Variants in POU6F2 observed in about 807,000 individuals in gnomAD.
The protein encoded by POU6F2 is POU domain, class 6, transcription factor 2.
A neutral mutation model predicts 71.3 loss-of-function variants in POU6F2; 31 were observed. The ratio of observed to expected loss-of-function variants is 0.43; its 90% CI spans 0.33 to 0.59. POU6F2 has a LOEUF of 0.59. Among genes scored for constraint, POU6F2 ranks in the 20% least tolerant of loss-of-function variants. POU6F2 has a pLI of 0.04. For missense variants in POU6F2, 783 were observed against 856.8 expected (o/e 0.91, Z 1.07); for synonymous variants, 347 against 355.7 (o/e 0.98, Z 0.27).
At position 39,331,268 on chromosome 7, in the gene POU6F2, G is replaced by T. The variant is rs114423204; in HGVS notation, c.599-8374G>T. 2.0e-3 allele frequency among the ~76,000 whole-genome samples: 309 copies of T among 152,186 alleles called. 2 individuals carry two copies. Among genetic ancestry groups the T allele is most frequent in the African/African-American group, 7.0e-3 (290 of 41,526 alleles). ...GTACAGATGTCTCTTTGACTATATT[G>T]ATTTGTCTTTGTATATACATCTAAT... On this transcript the variant is annotated intron_variant, in intron 4 of 9. Transcript: ENST00000518318.
chr7:39,312,777 A>C (rs941368400), intron 4 of POU6F2, among the ~76,000 whole-genome samples: 1 of 152,174 alleles, frequency 6.6e-6, no homozygotes, highest in South Asian at 2.1e-4. Flanking sequence ...GACAACTAAG[A>C]TTGCTGAGTG....
intron 4 of POU6F2, among the ~76,000 whole-genome samples, chr7:39,238,288 G>A (rs903343867): frequency 2.6e-5 from 4 of 152,066 alleles, no homozygotes; most frequent in Non-Finnish European, 5.9e-5. Flanking sequence ...AAGGACAAAC[G>A]CCGCCTGACA....
Position 39,464,526 on chromosome 7 carries a change from A to G in POU6F2, c.2003A>G (p.Glu668Gly), listed in dbSNP as rs781593396. 3.1e-6 allele frequency: 5 copies of G among 1,613,492 alleles called. No individual in the cohort carries two copies. The highest frequency in any genetic ancestry group is 1.3e-5 in the African/African-American group (1 of 74,946). The change falls in exon 10 of 10, where the codon GAA becomes GGA. Residue 668 changes from glutamate to glycine, a missense_variant. This residue lies in a region of POU6F2 where 211 missense variants were observed against 283.9 expected (regional missense o/e 0.74). Transcript: ENST00000518318. This position sits in a 1 kb window ranked among gnomAD's most constrained non-coding sequence, Gnocchi z 4.1. The part of the protein sequence containing the change: ...NTHPSGQEMT[E>G]IAEKLNYDRE... ...CACCCTTCTGGGCAGGAAATGACCG[A>G]AATTGCTGAGAAGCTGAACTATGAC...
rs536814071 is a variant in POU6F2 at position 39,063,919 on chromosome 7, G to A, written c.106-21941G>A. ...TATAACAAATTTAGTTAGTGAAGACGCCTTTAATGTGTGAAGGCAACAGAA... is the reference window on the plus strand; with the variant it reads ...TATAACAAATTTAGTTAGTGAAGACACCTTTAATGTGTGAAGGCAACAGAA... On this transcript the variant is annotated intron_variant, in intron 1 of 9. Transcript: ENST00000518318. Among the ~76,000 whole-genome samples, 96 of 152,122 alleles carry A rather than the reference G, an allele frequency of 6.3e-4. 1 individual carries two copies. Among genetic ancestry groups the A allele is most frequent in the Middle Eastern group, 6.8e-3 (2 of 294 alleles).
rs1020190266 is a variant in POU6F2 at position 39,046,003 on chromosome 7, GTTTATGGTTC to G, written c.106-39856_106-39847del. Among the ~76,000 whole-genome samples, 4 of 151,896 alleles carry G rather than the reference GTTTATGGTTC, an allele frequency of 2.6e-5. No homozygotes were observed. The East Asian group carries it at 5.8e-4, about 22-fold the overall frequency. On this transcript the variant is annotated intron_variant, in intron 1 of 9. Coordinates refer to ENST00000518318, the MANE Select transcript of POU6F2 (RefSeq NM_001370959.1). ...TGGGATTTGTGGGTCATATTGATAT[GTTTATGGTTC>G]ACTTTTTAGAAAACTGTTAAACAGT...
At chr7:39,315,673 T>C (rs1173817334) in intron 4 of POU6F2, among the ~76,000 whole-genome samples, 4 of 152,136 alleles carry the variant, frequency 2.6e-5, no homozygotes, top group African/African-American at 9.7e-5. Flanking sequence ...CTCCCACTTA[T>C]CCCATGGATC....
intron 1 of POU6F2, among the ~76,000 whole-genome samples, chr7:38,985,338 C>T (rs944286917): frequency 2.2e-4 from 34 of 152,016 alleles, no homozygotes; most frequent in African/African-American, 8.2e-4. Flanking sequence ...AAAACAAGAA[C>T]ATCAAACTCA....
intron 1 of POU6F2, among the ~76,000 whole-genome samples, chr7:39,005,445 G>C (rs1294389329): frequency 6.9e-6 from 1 of 144,366 alleles, no homozygotes; most frequent in African/African-American, 2.5e-5. Context: ...TGTCTGGATG[G>C]ATATTTACTA....
intron 1 of POU6F2, among the ~76,000 whole-genome samples, chr7:39,025,904 A>G (rs970372684): frequency 3.4e-5 from 5 of 149,158 alleles, no homozygotes; most frequent in Non-Finnish European, 7.4e-5. Context: ...AATTTACAAG[A>G]AAAAAACAAA....
intron 9 of POU6F2, among the ~76,000 whole-genome samples, chr7:39,463,783 A>C (rs1007179498): frequency 6.6e-6 from 1 of 152,242 alleles, no homozygotes; most frequent in African/African-American, 2.4e-5. Flanking sequence ...GAATGTGACA[A>C]CTGTCATCTT....
intron 1 of POU6F2, among the ~76,000 whole-genome samples, chr7:38,987,082 G>T (rs1157670921): frequency 6.6e-6 from 1 of 152,042 alleles, no homozygotes; most frequent in Non-Finnish European, 1.5e-5. Context: ...AAAGATTTCA[G>T]AATTTTCCAA....
intron 2 of POU6F2, chr7:39,120,771 AAC>A (rs1792025108): frequency 6.6e-6 from 1 of 152,214 alleles, no homozygotes; most frequent in Admixed American, 6.5e-5. Flanking sequence ...TAATTGGAAA[AAC>A]ACTGCACAAT....
At chr7:39,333,898 A>T (rs1785711092) in intron 4 of POU6F2, among the ~76,000 whole-genome samples, 1 of 152,152 alleles carries the variant, frequency 6.6e-6, no homozygotes, top group South Asian at 2.1e-4. Context: ...CAATCCCCTG[A>T]GGTAGGTCTT....
chr7:39,106,403 T>C (rs1301488252), intron 2 of POU6F2, among the ~76,000 whole-genome samples: 1 of 152,230 alleles, frequency 6.6e-6, no homozygotes, highest in African/African-American at 2.4e-5. Context: ...TACAACCTAA[T>C]GCTATAACTG....
At chr7:38,982,679 A>G (rs1402723353) in intron 1 of POU6F2, among the ~76,000 whole-genome samples, 1 of 152,110 alleles carries the variant, frequency 6.6e-6, no homozygotes, top group Non-Finnish European at 1.5e-5. Context: ...TGTTAATACT[A>G]AACAACAATT....
chr7:39,185,835 A>C (rs1562737985), intron 2 of POU6F2, among the ~76,000 whole-genome samples: 126 of 125,598 alleles, frequency 1.0e-3, no homozygotes, highest in African/African-American at 4.0e-3. Flanking sequence ...ATGTATATGT[A>C]TATGTATATG....
chr7:39,203,660 G>A (rs931612720), intron 2 of POU6F2, among the ~76,000 whole-genome samples: 1 of 152,178 alleles, frequency 6.6e-6, no homozygotes, highest in African/African-American at 2.4e-5. Context: ...AGCTATTGCG[G>A]GATTCCTACT....
intron 4 of POU6F2, among the ~76,000 whole-genome samples, chr7:39,210,195 C>T (rs965558924): frequency 3.9e-5 from 6 of 152,158 alleles, no homozygotes; most frequent in Admixed American, 3.3e-4. Context: ...TTGTGAGGGG[C>T]AGGTTTCATA....
intron 2 of POU6F2, among the ~76,000 whole-genome samples, chr7:39,143,462 CT>C (rs373350360): frequency 6.6e-6 from 1 of 152,294 alleles, no homozygotes; most frequent in African/African-American, 2.4e-5. Flanking sequence ...AAGCTCTCTG[CT>C]CATTAGAAAC....
Sources: gnomAD v4.1 joint callset for allele counts (sites outside exome capture counted in the v4.1 genomes callset) on GRCh38, gnomAD v4.1.1 for gene constraint, gnomAD v4.1.1 regional missense constraint, Gnocchi (gnomAD v3.1) non-coding constraint, MANE v1.5 for transcripts, NCBI Gene and HGNC (gene_info 2026-07-23, HGNC 2026-07-21) for gene names.